Variants in LARP4B observed in about 807,000 individuals in gnomAD.
The protein encoded by LARP4B is la-related protein 4B.
Under a neutral mutation model 89.8 loss-of-function variants are expected in LARP4B, and 12 were observed. The observed-to-expected ratio is 0.13, with a 90% CI of 0.09 to 0.22. The LOEUF (loss-of-function observed/expected upper bound fraction) is 0.22, where lower values mean the gene tolerates loss of function less well. Ranked by LOEUF, LARP4B falls within the 10% of genes least tolerant of loss-of-function variation. The pLI is 1.00. For synonymous variants in LARP4B, 367 were observed against 363.3 expected (o/e 1.01, Z -0.12); for missense variants, 757 against 947.7 (o/e 0.80, Z 2.64).
chr10:835,751 G>T (rs2131692780), intron 8 of LARP4B, among the ~76,000 whole-genome samples: 1 of 152,216 alleles, frequency 6.6e-6, no homozygotes, highest in African/African-American at 2.4e-5. Context: ...TGGCCAAGAT[G>T]GTGAAACCCC....
rs143699455 is a variant in LARP4B at position 901,665 on chromosome 10, A to C, written c.-39-15905T>G. Among the ~76,000 whole-genome samples the C allele has an allele frequency of 5.5e-3, 835 of 152,358 alleles. 6 individuals are homozygous for C. The highest frequency in any genetic ancestry group is 0.019 in the African/African-American group (783 of 41,580). The stretch of plus-strand genomic sequence containing the variant: ...TCACTCAAAGATACTGACGGATAAA[A>C]GAAATGCGTCCAATCTCAGTAGAGT... On this transcript the variant is annotated intron_variant, in intron 1 of 17. Transcript: ENST00000316157.
rs1441860795 is a variant in LARP4B, at chr10:886,298, T to C, written c.-39-538A>G. ...CACCTCACAACTGTCAGAATGACTA[T>C]TATCAGTCAGACAAGAGATAACAGG... On this transcript the variant is annotated intron_variant, in intron 1 of 17. Transcript: ENST00000316157. 4.6e-5 allele frequency among the ~76,000 whole-genome samples: 7 copies of C among 152,302 alleles called. No homozygotes were observed. The South Asian group carries it at 1.0e-3, about 23-fold the overall frequency.
At chr10:930,821 C>A (rs900838179) in intron 1 of LARP4B, among the ~76,000 whole-genome samples, 2 of 152,170 alleles carry the variant, frequency 1.3e-5, no homozygotes, top group East Asian at 1.9e-4. Flanking sequence ...TAAAGGAATG[C>A]GATGCCCTGA....
chr10:941,231 C>G, the LARP4B span, among the ~76,000 whole-genome samples: 2 of 152,196 alleles, frequency 1.3e-5, no homozygotes, highest in Non-Finnish European at 2.9e-5. Flanking sequence ...CTATTGTGTT[C>G]ATGGAAGTCC....
chr10:921,133 C>A (rs141434545), intron 1 of LARP4B, among the ~76,000 whole-genome samples: 2 of 151,882 alleles, frequency 1.3e-5, no homozygotes, highest in Admixed American at 6.6e-5. Context: ...ACTAGCCAGG[C>A]GTGGTGGTGC....
intron 1 of LARP4B, among the ~76,000 whole-genome samples, chr10:930,094 C>G (rs1445301170): frequency 6.6e-6 from 1 of 151,922 alleles, no homozygotes; most frequent in East Asian, 1.9e-4. Context: ...GGAAATTGCA[C>G]ACTGCACACA....
the LARP4B span, chr10:987,605 G>A: frequency 2.0e-5 from 3 of 152,216 alleles, no homozygotes; most frequent in Non-Finnish European, 4.4e-5. Flanking sequence ...ATAGTCAGCA[G>A]CTCTGAACAC....
chr10:859,165 G>C (rs976074632), intron 5 of LARP4B, among the ~76,000 whole-genome samples: 5 of 152,014 alleles, frequency 3.3e-5, no homozygotes, highest in Admixed American at 6.6e-5. Flanking sequence ...TGTAATCTAG[G>C]CTACTTGGGA....
At chr10:847,516 A>G (rs1038577264) in intron 5 of LARP4B, among the ~76,000 whole-genome samples, 29 of 150,184 alleles carry the variant, frequency 1.9e-4, no homozygotes, top group African/African-American at 6.1e-4. Context: ...GTGACATGAA[A>G]CTTTTTTCTT....
chr10:971,896 G>C, the LARP4B span: 1 of 154,378 alleles, frequency 6.5e-6, no homozygotes. Context: ...TCTTGTAACC[G>C]TGTTGGGGCC....
intron 15 of LARP4B, among the ~76,000 whole-genome samples, chr10:817,123 C>T (rs1832104316): frequency 6.6e-6 from 1 of 152,236 alleles, no homozygotes; most frequent in African/African-American, 2.4e-5. Flanking sequence ...GAGCCTTCAA[C>T]GCCAGGTGTG....
intron 15 of LARP4B, among the ~76,000 whole-genome samples, chr10:817,027 G>A (rs570836672): frequency 6.6e-6 from 1 of 152,286 alleles, no homozygotes; most frequent in South Asian, 2.1e-4. Flanking sequence ...GGGGACACCG[G>A]CAACCTGGAG....
chr10:910,886 A>AG (rs1480400007), intron 1 of LARP4B, among the ~76,000 whole-genome samples: 1 of 152,164 alleles, frequency 6.6e-6, no homozygotes, highest in Non-Finnish European at 1.5e-5. Context: ...GATGGGTGTG[A>AG]GGGTCTGGTC....
intron 1 of LARP4B, among the ~76,000 whole-genome samples, chr10:929,113 C>CT (rs1837229866): frequency 6.6e-6 from 1 of 152,140 alleles, no homozygotes; most frequent in African/African-American, 2.4e-5. Context: ...CCCATGTTAT[C>CT]TTTTTTTCTG....
Position 810,290 on chromosome 10 carries a change from C to T in LARP4B, c.*2636G>A, listed in dbSNP as rs1831696592. 1.3e-5 allele frequency: 2 copies of T among 152,142 alleles called. 1 individual carries two copies. Among genetic ancestry groups the T allele is most frequent in the South Asian group, 4.1e-4 (2 of 4,834 alleles). 9.4% of individuals were successfully genotyped at this position (152,142 alleles called of 1,614,324 possible). A position where few individuals can be genotyped will look rare whatever the true frequency, so the allele number is the denominator to read the frequency against. On this transcript the variant is annotated 3_prime_UTR_variant, in exon 18 of 18. Coordinates refer to ENST00000316157, the MANE Select transcript of LARP4B (RefSeq NM_015155.3). ...ACTCTCATTTTCTTCTGAGCAGAAA[C>T]TCTTGAAGTAGTATCAGGTTTTTTC...
chr10:834,751 T>G lies in LARP4B; in HGVS notation c.750+1652A>C, dbSNP rs560600545. ...ATGTCTACTGCTAAATGCAGAAAAT[T>G]CTCCTTGGTTAAAGTTTTACAAACA... On this transcript the variant is annotated intron_variant, in intron 8 of 17. Transcript: ENST00000316157. Among the ~76,000 whole-genome samples the G allele has an allele frequency of 2.6e-5, 4 of 152,340 alleles. No homozygotes were observed. In the East Asian group the frequency reaches 7.7e-4, roughly 29 times the overall value.
chr10:876,192 C>G (rs1348363359), intron 3 of LARP4B, among the ~76,000 whole-genome samples: 1 of 152,110 alleles, frequency 6.6e-6, no homozygotes, highest in Admixed American at 6.5e-5. Flanking sequence ...TCGAGACCAG[C>G]CTGACCAACA....
chr10:894,310 T>C (rs1186072471), intron 1 of LARP4B, among the ~76,000 whole-genome samples: 11 of 152,204 alleles, frequency 7.2e-5, no homozygotes, highest in Admixed American at 7.2e-4. Context: ...AAGGGAATTC[T>C]AGGGAAATAC....
At chr10:813,362 ATC>A in intron 17 of LARP4B, 149 bp from the exon 18 acceptor site, 1 of 774,368 alleles carries the variant, frequency 1.3e-6, no homozygotes, top group Non-Finnish European at 2.0e-6. Context: ...AGTTCATAAA[ATC>A]TAATGATTTA....
Sources: gnomAD v4.1 joint callset for allele counts (sites outside exome capture counted in the v4.1 genomes callset) on GRCh38, gnomAD v4.1.1 for gene constraint, MANE v1.5 for transcripts, NCBI Gene and HGNC (gene_info 2026-07-23, HGNC 2026-07-21) for gene names.